LNX1: variants seen among roughly 807,000 people sequenced by gnomAD.
LNX1 encodes the protein E3 ubiquitin-protein ligase LNX.
In LNX1, 54 loss-of-function variants were observed where a neutral mutation model predicts 68.4. That is an observed-to-expected ratio of 0.79 (90% CI 0.63 to 0.99). LNX1 has a LOEUF of 0.99. Ranked by LOEUF, LNX1 falls within the 50% of genes least tolerant of loss-of-function variation. The pLI is 0.00. For synonymous variants in LNX1, 336 were observed against 350.0 expected, an observed-to-expected ratio of 0.96 and a Z score of 0.45; for missense variants, 906 against 926.4, an observed-to-expected ratio of 0.98 and a Z score of 0.29.
chr4:53,593,739 A>G (rs1010596567), upstream of LNX1: 6 of 152,122 alleles, frequency 3.9e-5, no homozygotes, highest in Admixed American at 3.9e-4. Context: ...CTAGAAAAAA[A>G]TGTAATCATA....
chr4:53,576,262 G>C (rs1731485125), intron 1 of LNX1: 2 of 1,611,264 alleles, frequency 1.2e-6, no homozygotes, highest in Admixed American at 1.7e-5. Context: ...GAAGCTTTCA[G>C]ATGGGTTAGC....
At chr4:53,492,140 T>C (rs1395236109) in intron 6 of LNX1, among the ~76,000 whole-genome samples, 1 of 152,114 alleles carries the variant, frequency 6.6e-6, no homozygotes, top group African/African-American at 2.4e-5. Flanking sequence ...TTGGTAGTAA[T>C]TGAAGAGTAT....
At chr4:53,522,206 G>C (rs1217638043) in intron 2 of LNX1, among the ~76,000 whole-genome samples, 1 of 152,090 alleles carries the variant, frequency 6.6e-6, no homozygotes, top group Admixed American at 6.5e-5. Flanking sequence ...CTCTACCACA[G>C]GTCTTTGTCC....
At chr4:53,527,917 A>G (rs112441328) in intron 2 of LNX1, among the ~76,000 whole-genome samples, 2 of 152,210 alleles carry the variant, frequency 1.3e-5, no homozygotes, top group African/African-American at 4.8e-5. Context: ...GCCACCAGCA[A>G]TTAGGTGATG....
intron 2 of LNX1, among the ~76,000 whole-genome samples, chr4:53,566,523 G>A (rs1314357360): frequency 0.014 from 2,013 of 148,126 alleles, 43 homozygotes; most frequent in African/African-American, 0.044. Context: ...AGGAACAACC[G>A]GTACCAGCCG....
intron 4 of LNX1, among the ~76,000 whole-genome samples, chr4:53,499,198 C>G (rs1357075017): frequency 6.6e-6 from 1 of 152,122 alleles, no homozygotes; most frequent in Non-Finnish European, 1.5e-5. Context: ...GAGACAGGGT[C>G]TTACTCTGTT....
chr4:53,623,530 G>A (rs2668522), intron 1 of LNX1, among the ~76,000 whole-genome samples: 32,053 of 151,818 alleles, frequency 0.21, 3,538 homozygotes, highest in Admixed American at 0.29. Context: ...CACCATGCCT[G>A]GACTCAAGAA....
chr4:53,592,438 G>C (rs1732551871), upstream of LNX1, among the ~76,000 whole-genome samples: 1 of 152,088 alleles, frequency 6.6e-6, no homozygotes, highest in African/African-American at 2.4e-5. Flanking sequence ...AAACTCTCTG[G>C]CATCTTCCCA....
rs1723917195 is a variant in LNX1 at position 53,481,633 on chromosome 4, G to C, written c.1485+87C>G. ...GTGTTTCTTTAAGTAAAAAAGTCCA[G>C]AGATGACACTTAGACATGTTAAAAC... On this transcript the variant is annotated intron_variant, in intron 7 of 10. Transcript: ENST00000263925. 48 of 1,420,360 alleles carry C rather than the reference G, an allele frequency of 3.4e-5. No individual in the cohort carries two copies. The South Asian group carries it at 4.9e-4, about 14-fold the overall frequency. The allele number at this position is 1,420,360 out of a possible 1,614,324, so 88.0% of individuals were successfully genotyped here. A position where few individuals can be genotyped will look rare whatever the true frequency, so the allele number is the denominator to read the frequency against.
intron 2 of LNX1, among the ~76,000 whole-genome samples, chr4:53,541,999 T>G (rs1455562844): frequency 6.6e-6 from 1 of 152,198 alleles, no homozygotes; most frequent in Non-Finnish European, 1.5e-5. Flanking sequence ...GAATAGAATT[T>G]GACTAATATG....
At chr4:53,511,707 T>A (rs1579442231) in intron 2 of LNX1, among the ~76,000 whole-genome samples, 1 of 152,054 alleles carries the variant, frequency 6.6e-6, no homozygotes, top group South Asian at 2.1e-4. Flanking sequence ...AGAAAATGAA[T>A]CTCCTTCCTG....
At chr4:53,581,998 T>A (rs1731866671) in intron 1 of LNX1, among the ~76,000 whole-genome samples, 1 of 152,210 alleles carries the variant, frequency 6.6e-6, no homozygotes, top group Non-Finnish European at 1.5e-5. Context: ...ACATTAGGAT[T>A]ACTGAATTTT....
rs748062520 is a variant in LNX1 at position 53,481,859 on chromosome 4, G to A, written c.1351-5C>T. 4 of 1,583,622 alleles carry A rather than the reference G, an allele frequency of 2.5e-6. No homozygotes were observed. Among genetic ancestry groups the A allele is most frequent in the Non-Finnish European group, 3.4e-6 (4 of 1,162,552 alleles). ...GTGAACACGTCTTTCACTGGCCTGG[G>A]CAAGAAGACACAGGCATTAGCCACT... On this transcript the variant is annotated splice_polypyrimidine_tract_variant and splice_region_variant and intron_variant, in intron 6 of 10. Transcript: ENST00000263925.
chr4:53,538,119 A>G (rs1728504064), intron 2 of LNX1, among the ~76,000 whole-genome samples: 2 of 152,236 alleles, frequency 1.3e-5, no homozygotes, highest in South Asian at 4.1e-4. Context: ...AAACAGAACA[A>G]AACAAAACAA....
chr4:53,589,431 C>A (rs1174794344), intron 1 of LNX1, among the ~76,000 whole-genome samples: 1 of 152,192 alleles, frequency 6.6e-6, no homozygotes, highest in East Asian at 1.9e-4. Context: ...ACAACTGCAA[C>A]CACATATGAT....
intron 2 of LNX1, among the ~76,000 whole-genome samples, chr4:53,604,276 A>C (rs1733140698): frequency 6.6e-6 from 1 of 152,010 alleles, no homozygotes; most frequent in South Asian, 2.1e-4. Context: ...TCACAAGCAT[A>C]ATATGTTCTC....
In LNX1 at chr4:53,616,270, T is replaced by C. The variant is rs564875472; in HGVS notation, c.-215+247A>G. On this transcript the variant is annotated intron_variant, in intron 2 of 3. Transcript: ENST00000504299. ...TAGAAACCTAGATAGACACCTTCCC[T>C]ACATAGACACAAATAACTCCTATAT... 2.2e-4 allele frequency among the ~76,000 whole-genome samples: 33 copies of C among 152,316 alleles called. 1 individual carries two copies. The highest frequency in any genetic ancestry group is 7.5e-4 in the African/African-American group (31 of 41,568).
chr4:53,532,564 T>C (rs1728092999), intron 2 of LNX1, among the ~76,000 whole-genome samples: 1 of 152,186 alleles, frequency 6.6e-6, no homozygotes, highest in Non-Finnish European at 1.5e-5. Context: ...CCATTCCCTC[T>C]TGAATGGAGC....
At chr4:53,558,047 A>G in intron 2 of LNX1, 1 of 1,581,964 alleles carries the variant, frequency 6.3e-7, no homozygotes, top group South Asian at 1.1e-5. Flanking sequence ...CTTTAAGCAA[A>G]CCTTGCCATG....
Sources: allele counts gnomAD v4.1 joint callset (sites outside exome capture counted in the v4.1 genomes callset), GRCh38; gene constraint gnomAD v4.1.1; transcripts MANE v1.5; gene names NCBI Gene and HGNC (gene_info 2026-07-23, HGNC 2026-07-21).